Variants in MERTK observed in about 807,000 individuals in gnomAD.
MERTK encodes the protein tyrosine-protein kinase Mer.
Under a neutral mutation model 99.3 loss-of-function variants are expected in MERTK, and 69 were observed. The observed-to-expected ratio is 0.70, with a 90% confidence interval of 0.57 to 0.85. The LOEUF is 0.85. Ranked by LOEUF, MERTK falls within the 40% of genes least tolerant of loss-of-function variation. The pLI, the probability that MERTK is intolerant of heterozygous loss-of-function variation, is 0.00. For missense variants in MERTK, 1,125 were observed against 1,249.4 expected (o/e 0.90, Z 1.50); for synonymous variants, 426 against 467.6 (o/e 0.91, Z 1.15).
Position 111,951,299 on chromosome 2 carries a change from C to A in MERTK, c.757+3732C>A, listed in dbSNP as rs1230399898. Among the ~76,000 whole-genome samples the A allele has an allele frequency of 1.3e-5, 2 of 151,728 alleles. 1 individual carries two copies. The highest frequency in any genetic ancestry group is 4.8e-5 in the African/African-American group (2 of 41,302). On this transcript the variant is annotated intron_variant, in intron 4 of 18. Transcript: ENST00000295408. ...CATCCTGTGGACTAAAACTTTCTAC[C>A]TTTTGACCAAGTCCTCACCCACCTC...
At chr2:111,905,307 C>T (rs923300795) in intron 1 of MERTK, among the ~76,000 whole-genome samples, 2 of 152,124 alleles carry the variant, frequency 1.3e-5, no homozygotes, top group Non-Finnish European at 2.9e-5. Flanking sequence ...GATCTAGGGA[C>T]ATGGCCGGCA....
At chr2:111,941,182 T>C (rs1684860127) in intron 2 of MERTK, 1 of 313,628 alleles carries the variant, frequency 3.2e-6, no homozygotes, top group African/African-American at 2.2e-5. Context: ...GGTACAGAGT[T>C]CGAAAGGAAA....
At chr2:112,008,617 A>AAAACAT (rs1677035843) in intron 14 of MERTK, 142 bp downstream of exon 14, 1 of 765,558 alleles carries the variant, frequency 1.3e-6, no homozygotes, top group Admixed American at 1.8e-5. Context: ...TTTCACCCAG[A>AAAACAT]CTTTTCTTCA....
intron 12 of MERTK, among the ~76,000 whole-genome samples, 177 bp from the exon 13 acceptor site, chr2:112,003,727 T>C (rs1676919054): frequency 6.6e-6 from 1 of 152,192 alleles, no homozygotes. Flanking sequence ...AGCAGGAGAC[T>C]AGAGCGTGGC....
chr2:112,021,031 T>TAAA (rs763950331), intron 16 of MERTK, among the ~76,000 whole-genome samples: 1 of 115,822 alleles, frequency 8.6e-6, no homozygotes, highest in African/African-American at 3.2e-5. Flanking sequence ...CCATGTCTAC[T>TAAA]AAAAAAAAAA....
chr2:111,956,857 C>T (rs1256100971), intron 4 of MERTK, among the ~76,000 whole-genome samples: 1 of 151,920 alleles, frequency 6.6e-6, no homozygotes, highest in Non-Finnish European at 1.5e-5. Context: ...ACTATGTTGT[C>T]CAGGCTAGTT....
intron 6 of MERTK, 148 bp from the exon 7 acceptor site, chr2:111,975,141 C>A: frequency 1.3e-6 from 1 of 778,108 alleles, no homozygotes; most frequent in Non-Finnish European, 2.3e-6. Context: ...GTGATGCTAG[C>A]GGTAAAATGT....
intron 11 of MERTK, among the ~76,000 whole-genome samples, chr2:112,002,623 A>AT (rs946310748): frequency 5.9e-5 from 9 of 152,208 alleles, no homozygotes; most frequent in African/African-American, 1.2e-4. Context: ...TAGTTTAATC[A>AT]TTCTAAAGTA....
At chr2:112,019,179 C>T (rs1677280291) in intron 15 of MERTK, among the ~76,000 whole-genome samples, 1 of 152,100 alleles carries the variant, frequency 6.6e-6, no homozygotes, top group South Asian at 2.1e-4. Flanking sequence ...ACTGTAAATA[C>T]TTTTAAAGAT....
At chr2:111,900,851 CTCT>C (rs1304680378) in intron 1 of MERTK, among the ~76,000 whole-genome samples, 1 of 152,256 alleles carries the variant, frequency 6.6e-6, no homozygotes, top group East Asian at 1.9e-4. Context: ...GGAAATTAGA[CTCT>C]TCATCTAATT....
At chr2:111,983,398 C>A (rs1021383074) in intron 8 of MERTK, among the ~76,000 whole-genome samples, 3 of 152,178 alleles carry the variant, frequency 2.0e-5, no homozygotes, top group African/African-American at 7.2e-5. Context: ...TTGGAAATTT[C>A]ATGGGACTTT....
In MERTK at chr2:111,997,251, G is replaced by T. The variant is rs3811632; in HGVS notation, c.1451-72G>T. On this transcript the variant is annotated intron_variant, in intron 9 of 18. Coordinates refer to ENST00000295408, the MANE Select transcript of MERTK (RefSeq NM_006343.3). ...TGAGTTCTGAAAGCTTTGACTATTT[G>T]TTCTTCCCTGTTACAAGCCAGTGTT... The T allele has an allele frequency of 0.31, 462,300 of 1,512,912 alleles. 73,745 individuals carry two copies. The highest frequency in any genetic ancestry group is 0.42 in the Admixed American group (25,282 of 59,860). The allele number at this position is 1,512,912 out of a possible 1,614,324, so 93.7% of individuals were successfully genotyped here.
intron 15 of MERTK, among the ~76,000 whole-genome samples, chr2:112,019,164 C>A (rs1677280036): frequency 6.6e-6 from 1 of 152,134 alleles, no homozygotes; most frequent in Non-Finnish European, 1.5e-5. Flanking sequence ...GAAACAATGT[C>A]ATTCACTGTA....
intron 11 of MERTK, 108 bp from the exon 12 acceptor site, chr2:112,002,972 CAATAAATAAATA>C: frequency 1.7e-6 from 1 of 602,906 alleles, no homozygotes; most frequent in South Asian, 1.6e-5. Flanking sequence ...GACTCTGGCT[CAATAAATAAATA>C]AATAAATAAG....
chr2:111,944,820 C>A, intron 2 of MERTK, 140 bp from the exon 3 acceptor site: 1 of 723,466 alleles, frequency 1.4e-6, no homozygotes, highest in Non-Finnish European at 2.4e-6. Context: ...GACCAAACAA[C>A]TGCGTACAAT....
At position 111,929,387 on chromosome 2, in the gene MERTK, G is replaced by C; in HGVS notation, c.329G>C (p.Gly110Ala). 1.2e-6 allele frequency: 2 copies of C among 1,614,040 alleles called. No individual in the cohort carries two copies. The highest frequency in any genetic ancestry group is 1.7e-6 in the Non-Finnish European group (2 of 1,180,016). The stretch of plus-strand genomic sequence containing the variant: ...CACATAATACTTTCTGAACATAAAG[G>C]TGTCAAATTTAATTGCTCAATCAGT... Reference protein sequence around the residue: ...VGHIILSEHKGVKFNCSISVP... With the variant: ...VGHIILSEHKAVKFNCSISVP... Residue 110 changes from glycine to alanine, a missense_variant, in exon 2 of 19, where the codon GGT becomes GCT. Physicochemically the swap from Gly to Ala is moderately conservative, Grantham distance 60. Transcript: ENST00000295408.
intron 18 of MERTK, among the ~76,000 whole-genome samples, chr2:112,025,457 T>C (rs1398416738): frequency 6.6e-6 from 1 of 152,218 alleles, no homozygotes; most frequent in Non-Finnish European, 1.5e-5. Context: ...TCTTGCCTGC[T>C]TCTTGTCTGC....
intron 8 of MERTK, among the ~76,000 whole-genome samples, chr2:111,989,135 C>T (rs1213980655): frequency 6.6e-6 from 1 of 152,084 alleles, no homozygotes; most frequent in Admixed American, 6.5e-5. Context: ...CTTCATAATA[C>T]AGTCTCATTC....
intron 8 of MERTK, among the ~76,000 whole-genome samples, chr2:111,987,919 A>ACC (rs1676520054): frequency 1.3e-5 from 2 of 151,972 alleles, no homozygotes; most frequent in Non-Finnish European, 1.5e-5. Flanking sequence ...TCGTTTTCAA[A>ACC]GGTATAGATC....
Sources: allele counts gnomAD v4.1 joint callset (sites outside exome capture counted in the v4.1 genomes callset), GRCh38; gene constraint gnomAD v4.1.1; transcripts MANE v1.5; gene names NCBI Gene and HGNC (gene_info 2026-07-23, HGNC 2026-07-21).